Variants in SNED1 observed in about 807,000 individuals in gnomAD.
SNED1 encodes sushi, nidogen and EGF-like domain-containing protein 1.
A neutral mutation model predicts 166.7 loss-of-function variants in SNED1; 81 were observed. The ratio of observed to expected loss-of-function variants is 0.49; its 90% CI spans 0.41 to 0.58. The LOEUF is 0.58. Ranked by LOEUF, SNED1 falls within the 20% of genes least tolerant of loss-of-function variation. The pLI is 0.00. For missense variants in SNED1, 1,604 were observed against 2,000.2 expected (o/e 0.80, Z 3.78); for synonymous variants, 762 against 822.0 (o/e 0.93, Z 1.25).
rs747590139 is a variant in SNED1, at chr2:241,064,994, A to G, written c.2713+37A>G. 4.1e-6 allele frequency: 6 copies of G among 1,470,098 alleles called. No homozygotes were observed. The South Asian group carries it at 7.6e-5, about 19-fold the overall frequency. 91.1% of individuals were successfully genotyped at this position (1,470,098 alleles called of 1,614,324 possible). ...GGGCGCCTCCAGTGAGGGAGCCACG[A>G]GGGGGTCCCCTCTCCCTAGAGGGCC... is the stretch of plus-strand genomic sequence containing the variant. On this transcript the variant is annotated intron_variant, in intron 20 of 31. Coordinates refer to ENST00000310397, the MANE Select transcript of SNED1 (RefSeq NM_001080437.3). The surrounding 1 kb of genome is among the most constrained non-coding windows in gnomAD (Gnocchi z 7.0).
At chr2:241,059,704 A>G (rs1252953006) in intron 16 of SNED1, among the ~76,000 whole-genome samples, 1 of 152,262 alleles carries the variant, frequency 6.6e-6, no homozygotes, top group Non-Finnish European at 1.5e-5. Flanking sequence ...GATGCAGGAA[A>G]TTATTTGACA....
chr2:241,003,110 C>A (rs1051362353), intron 1 of SNED1, among the ~76,000 whole-genome samples: 1 of 151,436 alleles, frequency 6.6e-6, no homozygotes, highest in Admixed American at 6.6e-5. Flanking sequence ...TTCCCTGCCC[C>A]CCTCCGCCCT....
At chr2:241,077,078 CAAA>C (rs377757851) in intron 27 of SNED1, among the ~76,000 whole-genome samples, 1 of 114,508 alleles carries the variant, frequency 8.7e-6, no homozygotes. Context: ...GACTCCGTCT[CAAA>C]AAAAAAAAAA....
intron 1 of SNED1, among the ~76,000 whole-genome samples, chr2:241,016,568 C>G (rs1263483130): frequency 6.6e-6 from 1 of 152,136 alleles, no homozygotes; most frequent in African/African-American, 2.4e-5. Flanking sequence ...GTTTTAGCAA[C>G]TTAATGTGAA....
At chr2:241,031,565 A>G (rs1472486791) in intron 2 of SNED1, among the ~76,000 whole-genome samples, 2 of 152,182 alleles carry the variant, frequency 1.3e-5, no homozygotes, top group African/African-American at 4.8e-5. Context: ...TCAGAAGCAT[A>G]ACCCAGCCAG....
intron 31 of SNED1, chr2:241,089,422 A>G: frequency 2.6e-6 from 4 of 1,549,900 alleles, no homozygotes; most frequent in South Asian, 1.2e-5. Flanking sequence ...ACAGAAGCAA[A>G]ACAGCTTTTC....
chr2:241,035,190 G>A (rs1039240996), intron 4 of SNED1, among the ~76,000 whole-genome samples: 2 of 152,074 alleles, frequency 1.3e-5, no homozygotes, highest in African/African-American at 4.8e-5. Flanking sequence ...TGACCCTCAG[G>A]GCCACCCATG....
chr2:241,042,883 T>C (rs1208097091), intron 8 of SNED1, among the ~76,000 whole-genome samples: 2 of 152,110 alleles, frequency 1.3e-5, no homozygotes, highest in Non-Finnish European at 1.5e-5. Flanking sequence ...ATTAGGGTAA[T>C]AGGATCCACG....
At chr2:241,047,331 C>T (rs374189748) in intron 8 of SNED1, among the ~76,000 whole-genome samples, 4 of 152,050 alleles carry the variant, frequency 2.6e-5, no homozygotes, top group East Asian at 3.9e-4. Context: ...ATACTTGTAC[C>T]TATTAACACC....
chr2:241,001,082 C>T (rs542535493), intron 1 of SNED1, among the ~76,000 whole-genome samples: 1 of 152,340 alleles, frequency 6.6e-6, no homozygotes, highest in East Asian at 1.9e-4. Flanking sequence ...CTGGCTCTGG[C>T]CCTTGTCCAG....
At chr2:241,080,956 A>G (rs1249556100) in intron 27 of SNED1, among the ~76,000 whole-genome samples, 1 of 152,226 alleles carries the variant, frequency 6.6e-6, no homozygotes, top group Non-Finnish European at 1.5e-5. Context: ...GGTCTGTGAG[A>G]GGACAGCCCT....
intron 8 of SNED1, among the ~76,000 whole-genome samples, chr2:241,046,613 A>C (rs6723732): frequency 0.27 from 41,011 of 152,098 alleles, 5,913 homozygotes; most frequent in Middle Eastern, 0.35. Context: ...TATAGTGATG[A>C]ACAAATCAGT....
chr2:241,026,982 A>G (rs1195150811), intron 1 of SNED1, among the ~76,000 whole-genome samples: 2 of 152,110 alleles, frequency 1.3e-5, no homozygotes, highest in African/African-American at 4.8e-5. Flanking sequence ...GGTACCTCAT[A>G]TAGGTGGAAT....
chr2:241,023,033 C>A (rs2124924538), intron 1 of SNED1, among the ~76,000 whole-genome samples: 1 of 152,080 alleles, frequency 6.6e-6, no homozygotes. Context: ...TCACTTTATT[C>A]AGTATTTTTC....
At chr2:241,036,747 C>G in intron 4 of SNED1, 43 bp from the exon 5 acceptor site, 5 of 1,600,290 alleles carry the variant, frequency 3.1e-6, no homozygotes, top group Non-Finnish European at 4.2e-6. Context: ...CTGCCGAGTC[C>G]GGAGGCAGCG....
chr2:241,062,903 G>T lies in SNED1; in HGVS notation c.2370G>T (p.Leu790=). The T allele has an allele frequency of 6.3e-7, 1 of 1,584,864 alleles. No individual in the cohort carries two copies. The highest frequency in any genetic ancestry group is 1.1e-5 in the South Asian group (1 of 87,986). Residue 790 remains leucine (L), a splice_region_variant and synonymous_variant, in exon 17 of 32, where the codon CTG becomes CTT. Coordinates refer to ENST00000310397, the MANE Select transcript of SNED1 (RefSeq NM_001080437.3). ...STGYEGAHCE[L]ERDECRAHPC... The stretch of plus-strand genomic sequence containing the variant: ...GCTATGAGGGCGCCCACTGTGAGCT[G>T]GGTAAGAGGGGCCCTGGCCCCGCTG...
At chr2:241,078,075 G>A (rs1331664505) in intron 27 of SNED1, among the ~76,000 whole-genome samples, 2 of 152,156 alleles carry the variant, frequency 1.3e-5, no homozygotes, top group African/African-American at 2.4e-5. Context: ...AACCACCAAA[G>A]TGTCAATCAA....
At chr2:241,046,639 AGG>A (rs1220475408) in intron 8 of SNED1, among the ~76,000 whole-genome samples, 1 of 152,316 alleles carries the variant, frequency 6.6e-6, no homozygotes, top group East Asian at 1.9e-4. Context: ...CCAGGGACTG[AGG>A]GGTAACAGGA....
At chr2:241,081,549 C>A (rs758082) in intron 27 of SNED1, 128 bp from the exon 28 acceptor site, 4 of 698,568 alleles carry the variant, frequency 5.7e-6, no homozygotes, top group Non-Finnish European at 1.0e-5. Flanking sequence ...GGGAGGCCAC[C>A]GCAGCACACC....
Sources: gnomAD v4.1 joint callset for allele counts (sites outside exome capture counted in the v4.1 genomes callset) on GRCh38, gnomAD v4.1.1 for gene constraint, Gnocchi (gnomAD v3.1) non-coding constraint, MANE v1.5 for transcripts, NCBI Gene and HGNC (gene_info 2026-07-23, HGNC 2026-07-21) for gene names.